RALGPS2: variants seen among roughly 807,000 people sequenced by gnomAD.
RALGPS2 encodes the protein ras-specific guanine nucleotide-releasing factor RalGPS2.
RALGPS2 carries 43 observed loss-of-function variants against 86.8 expected under a neutral mutation model. The observed-to-expected ratio is 0.50, with a 90% CI of 0.39 to 0.64. The LOEUF is 0.64. RALGPS2 is among the 30% of genes least tolerant of loss of function. The probability of loss-of-function intolerance (pLI) is 0.00; values close to 1 mark genes in which losing one functional copy is unlikely to be tolerated. For missense variants in RALGPS2, 536 were observed against 694.6 expected (o/e 0.77, Z 2.57); for synonymous variants, 243 against 231.3 (o/e 1.05, Z -0.46).
In RALGPS2 at chr1:178,792,704, G is replaced by A. The variant is rs116532251; in HGVS notation, c.213+7097G>A. On this transcript the variant is annotated intron_variant, in intron 4 of 19. Coordinates refer to ENST00000367635, the MANE Select transcript of RALGPS2 (RefSeq NM_152663.5). ...GGCCCAAGCTGCGTGACCAAATTTG[G>A]ATACTTCTATGGATAGTGATCCCTT... Among the ~76,000 whole-genome samples, 559 of 152,208 alleles carry A rather than the reference G, an allele frequency of 3.7e-3. 5 individuals are homozygous for A. Among genetic ancestry groups the A allele is most frequent in the African/African-American group, 0.012 (506 of 41,534 alleles).
chr1:178,901,931 G>T (rs1660195468), intron 17 of RALGPS2, among the ~76,000 whole-genome samples, 175 bp from the exon 18 acceptor site: 1 of 152,052 alleles, frequency 6.6e-6, no homozygotes, highest in African/African-American at 2.4e-5. Context: ...ATCTGAAGAA[G>T]GCATGCCTAG....
intron 8 of RALGPS2, among the ~76,000 whole-genome samples, chr1:178,857,858 A>G (rs1417300982): frequency 6.6e-6 from 1 of 152,194 alleles, no homozygotes; most frequent in Non-Finnish European, 1.5e-5. Context: ...TTTGTCAAGT[A>G]TCATTTGTTC....
At chr1:178,747,568 T>C (rs1041157469) in intron 1 of RALGPS2, 4 of 1,611,540 alleles carry the variant, frequency 2.5e-6, no homozygotes, top group African/African-American at 1.3e-5. Flanking sequence ...AATGGCAGCA[T>C]GTGTTAGGAA....
intron 8 of RALGPS2, among the ~76,000 whole-genome samples, chr1:178,837,741 C>T (rs368446919): frequency 1.1e-3 from 161 of 152,272 alleles, no homozygotes; most frequent in African/African-American, 3.6e-3. Flanking sequence ...TCACCTCACC[C>T]GGGAAGTGCA....
At chr1:178,892,054 T>A (rs1398317823) in intron 14 of RALGPS2, among the ~76,000 whole-genome samples, 176 bp from the exon 15 acceptor site, 1 of 152,098 alleles carries the variant, frequency 6.6e-6, no homozygotes, top group Non-Finnish European at 1.5e-5. Context: ...GAAAAAATTT[T>A]TTGAAATCTA....
intron 1 of RALGPS2, among the ~76,000 whole-genome samples, chr1:178,750,305 T>C (rs1044244020): frequency 1.3e-5 from 2 of 152,234 alleles, no homozygotes; most frequent in Admixed American, 1.3e-4. Context: ...AACACATAAA[T>C]GGATGAGTGG....
At chr1:178,849,038 T>C (rs1407457416) in intron 8 of RALGPS2, among the ~76,000 whole-genome samples, 2 of 152,246 alleles carry the variant, frequency 1.3e-5, no homozygotes, top group Non-Finnish European at 2.9e-5. Context: ...ATAGTTTAAA[T>C]CTGAGTACTT....
Position 178,910,065 on chromosome 1 carries a change from G to T in RALGPS2, c.1722+3198G>T, listed in dbSNP as rs1387487850. ...GTTCTTGATTTGGCTCTCAGTTTGA[G>T]TGTTATTGGTGTATAGAAATGCTGT... On this transcript the variant is annotated intron_variant, in intron 19 of 19. Transcript: ENST00000367635. Among the ~76,000 whole-genome samples the T allele has an allele frequency of 4.6e-5, 7 of 152,192 alleles. No homozygotes were observed. In the East Asian group the frequency reaches 1.4e-3, roughly 29 times the overall value.
chr1:178,833,667 A>G lies in RALGPS2; in HGVS notation c.607+117A>G, dbSNP rs1407688258. 5.7e-6 allele frequency: 8 copies of G among 1,403,136 alleles called. No homozygotes were observed. The East Asian group carries it at 1.8e-4, about 31-fold the overall frequency. 86.9% of individuals were successfully genotyped at this position (1,403,136 alleles called of 1,614,324 possible). On this transcript the variant is annotated intron_variant, in intron 8 of 19. Transcript: ENST00000367635. ...TGTATCTTTTAAATAAATTACTTCA[A>G]GATTGGTAAGCTGAAAAAAATGACT...
intron 2 of RALGPS2, among the ~76,000 whole-genome samples, chr1:178,779,878 T>C (rs1653296398): frequency 6.6e-6 from 1 of 152,076 alleles, no homozygotes; most frequent in African/African-American, 2.4e-5. Flanking sequence ...GGATTACAGG[T>C]GCTTGCCACC....
chr1:178,916,461 A>T lies in RALGPS2; in HGVS notation c.*102A>T. 14 of 1,115,458 alleles carry T rather than the reference A, an allele frequency of 1.3e-5. No individual in the cohort carries two copies. Among genetic ancestry groups the T allele is most frequent in the Non-Finnish European group, 1.8e-5 (14 of 774,412 alleles). The allele number at this position is 1,115,458 out of a possible 1,614,324, so 69.1% of individuals were successfully genotyped here. On this transcript the variant is annotated 3_prime_UTR_variant, in exon 20 of 20. Coordinates refer to ENST00000367635, the MANE Select transcript of RALGPS2 (RefSeq NM_152663.5). ...AACCATCCTGTGCCAGGAAGAGCCCAGAGGCTCTGTCTCAGTCGTTGGAGT... is the reference window on the plus strand; with the variant it reads ...AACCATCCTGTGCCAGGAAGAGCCCTGAGGCTCTGTCTCAGTCGTTGGAGT...
chr1:178,747,785 C>T, intron 1 of RALGPS2: 1 of 776,090 alleles, frequency 1.3e-6, no homozygotes, highest in South Asian at 1.5e-5. Flanking sequence ...GCGAGCAGAG[C>T]CTGTGCCAGC....
Position 178,912,000 on chromosome 1 carries a change from G to A in RALGPS2, c.1723-4330G>A, listed in dbSNP as rs77659263. On this transcript the variant is annotated intron_variant, in intron 19 of 19. Coordinates refer to ENST00000367635, the MANE Select transcript of RALGPS2 (RefSeq NM_152663.5). ...TTTTTGACCATTGTTATAGTCTGTT[G>A]TATCTAATATAAGACTAGCAACCTT... is the stretch of plus-strand genomic sequence containing the variant. 2.9e-3 allele frequency among the ~76,000 whole-genome samples: 440 copies of A among 152,178 alleles called. 3 individuals carry two copies. The highest frequency in any genetic ancestry group is 4.9e-3 in the Non-Finnish European group (333 of 67,964).
chr1:178,847,082 A>C (rs1272431308), intron 8 of RALGPS2, among the ~76,000 whole-genome samples: 1 of 152,216 alleles, frequency 6.6e-6, no homozygotes, highest in Non-Finnish European at 1.5e-5. Context: ...TAAAATTTTG[A>C]GTTCATTCAT....
At chr1:178,777,234 C>T (rs1284235421) in intron 2 of RALGPS2, among the ~76,000 whole-genome samples, 2 of 151,792 alleles carry the variant, frequency 1.3e-5, no homozygotes, top group Admixed American at 6.6e-5. Context: ...CACAAGCATT[C>T]TTATACACCA....
At chr1:178,751,467 CTCT>C (rs1651653891) in intron 1 of RALGPS2, among the ~76,000 whole-genome samples, 1 of 152,146 alleles carries the variant, frequency 6.6e-6, no homozygotes, top group South Asian at 2.1e-4. Context: ...GCTTTATTTG[CTCT>C]TCTTGAGAGA....
intron 12 of RALGPS2, chr1:178,885,546 A>G (rs894851809): frequency 1.5e-5 from 3 of 200,444 alleles, no homozygotes; most frequent in Non-Finnish European, 3.0e-5. Flanking sequence ...GTCTTAACCA[A>G]AATAAGTCAA....
rs144309152 is a variant in RALGPS2, at chr1:178,815,660, A to G, written c.387+4256A>G. Among the ~76,000 whole-genome samples the G allele has an allele frequency of 7.5e-4, 114 of 152,346 alleles. 1 individual carries two copies. The highest frequency in any genetic ancestry group is 2.5e-3 in the African/African-American group (104 of 41,584). The stretch of plus-strand genomic sequence containing the variant: ...TAGAGAACTGTGAGGATTAAGTCCA[A>G]TATCAAGGTGTCAGCAGATTCAGTG... On this transcript the variant is annotated intron_variant, in intron 6 of 19. Coordinates refer to ENST00000367635, the MANE Select transcript of RALGPS2 (RefSeq NM_152663.5).
At chr1:178,770,018 CTTTT>C (rs35638965) in intron 1 of RALGPS2, among the ~76,000 whole-genome samples, 8 of 134,146 alleles carry the variant, frequency 6.0e-5, no homozygotes, top group Admixed American at 7.3e-5. Context: ...TCGATTGCTT[CTTTT>C]TTTTTTTTTT....
Sources: gnomAD v4.1 joint callset for allele counts (sites outside exome capture counted in the v4.1 genomes callset) on GRCh38, gnomAD v4.1.1 for gene constraint, MANE v1.5 for transcripts, NCBI Gene and HGNC (gene_info 2026-07-23, HGNC 2026-07-21) for gene names.